Variants in ZNF407 observed in about 807,000 individuals in gnomAD.
The protein encoded by ZNF407 is zinc finger protein 407.
In ZNF407, 17 loss-of-function variants were observed where a neutral mutation model predicts 131.2. The observed-to-expected ratio is 0.13, with a 90% CI of 0.09 to 0.19. The LOEUF is 0.19. ZNF407 is among the 10% of genes least tolerant of loss of function. The pLI, the probability that ZNF407 is intolerant of heterozygous loss-of-function variation, is 1.00. For synonymous variants in ZNF407, 1,156 were observed against 1,062.0 expected, an observed-to-expected ratio of 1.09 and a Z score of -1.72; for missense variants, 2,681 against 2,830.6, an observed-to-expected ratio of 0.95 and a Z score of 1.20.
At chr18:74,977,135 A>T (rs536593648) in intron 8 of ZNF407, among the ~76,000 whole-genome samples, 1 of 152,370 alleles carries the variant, frequency 6.6e-6, no homozygotes, top group Non-Finnish European at 1.5e-5. Flanking sequence ...GATGCATTTG[A>T]TGGCTTTGCT....
chr18:74,939,273 C>G (rs182827176), intron 8 of ZNF407, among the ~76,000 whole-genome samples: 3 of 152,102 alleles, frequency 2.0e-5, no homozygotes, highest in African/African-American at 7.2e-5. Context: ...AATATTACAC[C>G]TGAAATACAA....
chr18:74,708,335 A>G (rs1461052559), intron 3 of ZNF407, among the ~76,000 whole-genome samples: 1 of 152,206 alleles, frequency 6.6e-6, no homozygotes, highest in Non-Finnish European at 1.5e-5. Context: ...ACATCATATC[A>G]CACACAGGCA....
intron 8 of ZNF407, among the ~76,000 whole-genome samples, chr18:74,958,279 G>A (rs1326230694): frequency 6.6e-6 from 1 of 152,140 alleles, no homozygotes; most frequent in Admixed American, 6.6e-5. Flanking sequence ...TGTGGGTTAG[G>A]GATGTCAGAA....
chr18:75,053,174 T>C (rs954305664), intron 8 of ZNF407, among the ~76,000 whole-genome samples: 1 of 152,132 alleles, frequency 6.6e-6, no homozygotes, highest in African/African-American at 2.4e-5. Flanking sequence ...GCATAGCTGC[T>C]GAGATAGAAT....
intron 4 of ZNF407, among the ~76,000 whole-genome samples, chr18:74,868,877 A>G (rs993371528): frequency 6.6e-6 from 1 of 152,218 alleles, no homozygotes; most frequent in African/African-American, 2.4e-5. Flanking sequence ...AGTGTTGACC[A>G]TTGAATCATA....
rs147137329 is a variant in ZNF407, at chr18:74,939,484, A to G, written c.5428+18792A>G. ...GGATTAATATGTATTCCTTATGTAT[A>G]GAAACCTCCTTTGATTTTTTAAAAG... On this transcript the variant is annotated intron_variant, in intron 8 of 8. Coordinates refer to ENST00000299687, the MANE Select transcript of ZNF407 (RefSeq NM_017757.3). Among the ~76,000 whole-genome samples the G allele has an allele frequency of 3.5e-3, 526 of 152,338 alleles. 1 individual carries two copies. Among genetic ancestry groups the G allele is most frequent in the African/African-American group, 0.012 (497 of 41,582 alleles).
chr18:74,711,006 A>G (rs1967747062), intron 3 of ZNF407, among the ~76,000 whole-genome samples: 1 of 150,914 alleles, frequency 6.6e-6, no homozygotes, highest in Non-Finnish European at 1.5e-5. Flanking sequence ...TGCTATTATC[A>G]ATTCACTCTG....
chr18:74,780,882 G>GT (rs1222617242), intron 3 of ZNF407, among the ~76,000 whole-genome samples: 2 of 151,894 alleles, frequency 1.3e-5, no homozygotes, highest in Non-Finnish European at 2.9e-5. Flanking sequence ...CTTTTTGTTT[G>GT]TTTTTGTTAT....
At chr18:74,788,180 C>A (rs950512358) in intron 4 of ZNF407, among the ~76,000 whole-genome samples, 1 of 152,102 alleles carries the variant, frequency 6.6e-6, no homozygotes, top group Non-Finnish European at 1.5e-5. Flanking sequence ...ATGGGGAAGT[C>A]CCATTTTATG....
chr18:74,718,886 G>T (rs563032067), intron 3 of ZNF407, among the ~76,000 whole-genome samples: 1 of 151,912 alleles, frequency 6.6e-6, no homozygotes, highest in African/African-American at 2.4e-5. Context: ...TTAATTTGCT[G>T]TTCCATTTTA....
intron 8 of ZNF407, among the ~76,000 whole-genome samples, chr18:74,936,205 C>A (rs989639929): frequency 2.0e-5 from 3 of 152,110 alleles, no homozygotes; most frequent in Non-Finnish European, 4.4e-5. Context: ...CAATTGAAAT[C>A]CAGAGCTATC....
intron 3 of ZNF407, among the ~76,000 whole-genome samples, chr18:74,641,662 T>G (rs950754395): frequency 6.6e-6 from 1 of 152,178 alleles, no homozygotes; most frequent in Admixed American, 6.5e-5. Flanking sequence ...TTATTTCCTT[T>G]TTTAGTTAAT....
chr18:74,723,398 C>T (rs560211990), intron 3 of ZNF407, among the ~76,000 whole-genome samples: 4 of 152,080 alleles, frequency 2.6e-5, no homozygotes, highest in Non-Finnish European at 5.9e-5. Context: ...TGTACGGACT[C>T]TGGATTATGG....
chr18:74,937,330 C>A (rs972173084), intron 8 of ZNF407, among the ~76,000 whole-genome samples: 8 of 152,094 alleles, frequency 5.3e-5, no homozygotes, highest in Admixed American at 2.0e-4. Flanking sequence ...ATTTTCAGAA[C>A]AATCTCATGC....
At chr18:74,959,978 T>C (rs1371866919) in intron 8 of ZNF407, among the ~76,000 whole-genome samples, 1 of 152,226 alleles carries the variant, frequency 6.6e-6, no homozygotes, top group Non-Finnish European at 1.5e-5. Flanking sequence ...TGTGCATTTG[T>C]ATAACTCATT....
chr18:74,969,115 C>T (rs1195696062), intron 8 of ZNF407, among the ~76,000 whole-genome samples: 1 of 152,190 alleles, frequency 6.6e-6, no homozygotes, highest in African/African-American at 2.4e-5. Context: ...CCATTTGCTT[C>T]ATTTTTGTAA....
intron 7 of ZNF407, among the ~76,000 whole-genome samples, chr18:74,893,432 T>G (rs1188678051): frequency 6.6e-6 from 1 of 152,200 alleles, no homozygotes; most frequent in East Asian, 1.9e-4. Context: ...AGGCTTTCTT[T>G]TACTACTGAA....
At chr18:74,933,931 A>G (rs1457776532) in intron 8 of ZNF407, among the ~76,000 whole-genome samples, 1 of 152,050 alleles carries the variant, frequency 6.6e-6, no homozygotes, top group Non-Finnish European at 1.5e-5. Context: ...AAACACTTTG[A>G]TGCATTATTT....
chr18:74,649,102 G>A (rs919842483), intron 3 of ZNF407, among the ~76,000 whole-genome samples: 1 of 152,222 alleles, frequency 6.6e-6, no homozygotes, highest in Non-Finnish European at 1.5e-5. Flanking sequence ...TGTAGAATAT[G>A]CTACTATCTA....
Sources: gnomAD v4.1 joint callset for allele counts (sites outside exome capture counted in the v4.1 genomes callset) on GRCh38, gnomAD v4.1.1 for gene constraint, MANE v1.5 for transcripts, NCBI Gene and HGNC (gene_info 2026-07-23, HGNC 2026-07-21) for gene names.